Variants in IL1RAP observed in about 807,000 individuals in gnomAD.
IL1RAP encodes the protein interleukin-1 receptor accessory protein.
IL1RAP carries 35 observed loss-of-function variants against 60.7 expected under a neutral mutation model. The ratio of observed to expected loss-of-function variants is 0.58; its 90% CI spans 0.44 to 0.76. IL1RAP has a LOEUF of 0.76. IL1RAP is among the 30% of genes least tolerant of loss of function. The pLI, the probability that IL1RAP is intolerant of heterozygous loss-of-function variation, is 0.00. For missense variants in IL1RAP, 572 were observed against 693.9 expected (o/e 0.82, Z 1.97); for synonymous variants, 268 against 250.9 (o/e 1.07, Z -0.64).
intron 3 of IL1RAP, among the ~76,000 whole-genome samples, chr3:190,586,954 G>T (rs141095405): frequency 7.0e-4 from 107 of 152,308 alleles, no homozygotes; most frequent in Non-Finnish European, 1.3e-3. Context: ...TCATGAAAGA[G>T]TCTCACTTGC....
intron 3 of IL1RAP, among the ~76,000 whole-genome samples, chr3:190,602,583 A>T (rs1193196701): frequency 6.6e-6 from 1 of 152,190 alleles, no homozygotes; most frequent in African/African-American, 2.4e-5. Flanking sequence ...AGTTCAAGGA[A>T]AAAAAGAAAC....
rs138222241 is a variant in IL1RAP, at chr3:190,648,633, A to C, written c.1641A>C (p.Pro547=). ...RFWKQLQVAM[P]VKKSPRRSSS... ...GGAAGCAGCTGCAGGTGGCCATGCCAGTGAAGAAAAGTCCCAGGCGGTCTA... is the reference window on the plus strand; with the variant it reads ...GGAAGCAGCTGCAGGTGGCCATGCCCGTGAAGAAAAGTCCCAGGCGGTCTA... The change falls in exon 12 of 12, where the codon CCA becomes CCC. Residue 547 remains proline (P), a synonymous_variant. Transcript: ENST00000447382. The C allele has an allele frequency of 6.2e-7, 1 of 1,614,200 alleles. No individual in the cohort carries two copies. Among genetic ancestry groups the C allele is most frequent in the Non-Finnish European group, 8.5e-7 (1 of 1,180,024 alleles).
At chr3:190,587,241 A>G (rs1158388123) in intron 3 of IL1RAP, among the ~76,000 whole-genome samples, 1 of 152,190 alleles carries the variant, frequency 6.6e-6, no homozygotes, top group Non-Finnish European at 1.5e-5. Context: ...GATCTGCGTT[A>G]GAATCCCCGT....
chr3:190,604,859 A>G (rs1287629542), intron 4 of IL1RAP, among the ~76,000 whole-genome samples: 1 of 152,120 alleles, frequency 6.6e-6, no homozygotes, highest in Admixed American at 6.6e-5. Flanking sequence ...TGCCTCCCAA[A>G]TATGTGTGAT....
intron 3 of IL1RAP, among the ~76,000 whole-genome samples, chr3:190,576,128 A>G (rs1454129672): frequency 6.6e-6 from 1 of 152,212 alleles, no homozygotes; most frequent in East Asian, 1.9e-4. Context: ...TGAATTAAAT[A>G]TTTAAATGTA....
chr3:190,616,210 A>G (rs1347954969), intron 5 of IL1RAP, among the ~76,000 whole-genome samples: 1 of 152,158 alleles, frequency 6.6e-6, no homozygotes, highest in African/African-American at 2.4e-5. Flanking sequence ...CTTCGATAGC[A>G]CTTCATTCAT....
chr3:190,578,894 A>G (rs571746265), intron 3 of IL1RAP, among the ~76,000 whole-genome samples: 5 of 152,308 alleles, frequency 3.3e-5, no homozygotes, highest in African/African-American at 1.2e-4. Flanking sequence ...AGCATGGGAA[A>G]AACCCGCACC....
At chr3:190,647,690 C>T (rs1734111494) in intron 11 of IL1RAP, among the ~76,000 whole-genome samples, 1 of 151,994 alleles carries the variant, frequency 6.6e-6, no homozygotes, top group South Asian at 2.1e-4. Context: ...GTAGAAAGCC[C>T]ACCGAGGATG....
chr3:190,629,565 G>GGAGA, intron 9 of IL1RAP, 67 bp downstream of exon 9: 1 of 1,531,522 alleles, frequency 6.5e-7, no homozygotes, highest in Non-Finnish European at 8.8e-7. Context: ...AAGGACAAAA[G>GGAGA]GAGAGATTGA....
chr3:190,610,866 C>T (rs910965091), intron 5 of IL1RAP, among the ~76,000 whole-genome samples: 14 of 151,936 alleles, frequency 9.2e-5, no homozygotes, highest in African/African-American at 3.1e-4. Flanking sequence ...CAATTTGAAC[C>T]GAAATAATTT....
At chr3:190,621,845 A>C (rs1731810459) in intron 6 of IL1RAP, among the ~76,000 whole-genome samples, 1 of 152,236 alleles carries the variant, frequency 6.6e-6, no homozygotes, top group Non-Finnish European at 1.5e-5. Context: ...ATATATGGCC[A>C]AATCAGGATT....
intron 1 of IL1RAP, among the ~76,000 whole-genome samples, chr3:190,548,123 A>G (rs1275755257): frequency 6.6e-6 from 1 of 152,178 alleles, no homozygotes; most frequent in Admixed American, 6.5e-5. Context: ...ATTCAAGTCT[A>G]ATTTCTGAAG....
intron 3 of IL1RAP, among the ~76,000 whole-genome samples, chr3:190,603,645 G>A (rs539461952): frequency 6.6e-6 from 1 of 152,224 alleles, no homozygotes; most frequent in East Asian, 1.9e-4. Context: ...TTTTAGTGTG[G>A]TAACTGAAAT....
chr3:190,607,409 A>C (rs1730427598), intron 4 of IL1RAP, among the ~76,000 whole-genome samples: 1 of 152,252 alleles, frequency 6.6e-6, no homozygotes, highest in East Asian at 1.9e-4. Flanking sequence ...CTGAAAGTTA[A>C]GACACTGTAC....
intron 1 of IL1RAP, among the ~76,000 whole-genome samples, chr3:190,531,277 A>C (rs994956869): frequency 7.9e-5 from 12 of 152,156 alleles, no homozygotes; most frequent in Non-Finnish European, 1.6e-4. Flanking sequence ...AATTAAAAAA[A>C]ATCCACCCAT....
intron 9 of IL1RAP, among the ~76,000 whole-genome samples, chr3:190,641,556 G>T (rs898839426): frequency 6.6e-6 from 1 of 152,172 alleles, no homozygotes; most frequent in African/African-American, 2.4e-5. Context: ...ACAAATGACT[G>T]TATGACACAA....
chr3:190,635,655 TC>T (rs1369210308), intron 9 of IL1RAP, among the ~76,000 whole-genome samples: 1 of 152,228 alleles, frequency 6.6e-6, no homozygotes, highest in Non-Finnish European at 1.5e-5. Context: ...CTTGGAATTT[TC>T]CAGATCGTTT....
chr3:190,622,419 G>GAGTT (rs1731857236), intron 6 of IL1RAP, among the ~76,000 whole-genome samples: 1 of 152,096 alleles, frequency 6.6e-6, no homozygotes, highest in African/African-American at 2.4e-5. Flanking sequence ...CAGTTATCCA[G>GAGTT]AGTTAGCACT....
At chr3:190,654,310 CAGT>C (rs1734534435), downstream of IL1RAP, among the ~76,000 whole-genome samples, 1 of 151,652 alleles carries the variant, frequency 6.6e-6, no homozygotes, top group Non-Finnish European at 1.5e-5. Context: ...CCAGGAGAAG[CAGT>C]AGACTTCCCA....
Sources: gnomAD v4.1 joint callset for allele counts (sites outside exome capture counted in the v4.1 genomes callset) on GRCh38, gnomAD v4.1.1 for gene constraint, MANE v1.5 for transcripts, NCBI Gene and HGNC (gene_info 2026-07-23, HGNC 2026-07-21) for gene names.